The following GUCA1C variants were observed in gnomAD, a reference collection of about 807,000 sequenced individuals.
GUCA1C encodes guanylate cyclase activator 1C.
A neutral mutation model predicts 16.2 loss-of-function variants in GUCA1C; 15 were observed. The ratio of observed to expected loss-of-function variants is 0.93; its 90% CI spans 0.62 to 1.43. The LOEUF (loss-of-function observed/expected upper bound fraction) is 1.43, where lower values mean the gene tolerates loss of function less well. Among genes scored for constraint, GUCA1C ranks in the 40% most tolerant of loss-of-function variants. The probability of loss-of-function intolerance (pLI) is 0.00; values close to 1 mark genes in which losing one functional copy is unlikely to be tolerated. For missense variants in GUCA1C, 275 were observed against 244.8 expected, an observed-to-expected ratio of 1.12 and a Z score of -0.82; for synonymous variants, 78 against 85.4, an observed-to-expected ratio of 0.91 and a Z score of 0.48.
chr3:108,944,830 G>C (rs1437199440), intron 1 of GUCA1C, among the ~76,000 whole-genome samples: 1 of 152,202 alleles, frequency 6.6e-6, no homozygotes, highest in Non-Finnish European at 1.5e-5. Context: ...TGGGATTTGA[G>C]GGGGTCAATA....
chr3:108,917,526 C>G (rs948679636), intron 2 of GUCA1C, among the ~76,000 whole-genome samples: 23 of 152,024 alleles, frequency 1.5e-4, no homozygotes, highest in Admixed American at 1.4e-3. Context: ...TATATGCACT[C>G]TTTCTTCCCT....
rs58630173 is a variant in GUCA1C, at chr3:108,948,189, CAATGTTGGGAGAGGG to C, written c.204+5355_204+5369del. Among the ~76,000 whole-genome samples the C allele has an allele frequency of 4.7e-3, 714 of 152,236 alleles. 8 individuals are homozygous for C. Among genetic ancestry groups the C allele is most frequent in the African/African-American group, 0.016 (684 of 41,548 alleles). On this transcript the variant is annotated intron_variant, in intron 1 of 3. Coordinates refer to ENST00000261047, the MANE Select transcript of GUCA1C (RefSeq NM_005459.4). ...AAATCTCATGTTGAATTGTAATCTT[CAATGTTGGGAGAGGG>C]ACCTGGTGGGAGGTGATTGGATCAT...
rs576568304 is a variant in GUCA1C, at chr3:108,930,427, CAAAGG to C, written c.205-9847_205-9843del. Among the ~76,000 whole-genome samples, 634 of 152,322 alleles carry C rather than the reference CAAAGG, an allele frequency of 4.2e-3. 2 individuals are homozygous for C. Among genetic ancestry groups the C allele is most frequent in the African/African-American group, 0.013 (559 of 41,568 alleles). ...CAACCAATAGTTCTGAATTGGGAAG[CAAAGG>C]CTATTTGGCTTTTTAAAAGTTTTTA... On this transcript the variant is annotated intron_variant, in intron 1 of 3. Coordinates refer to ENST00000261047, the MANE Select transcript of GUCA1C (RefSeq NM_005459.4).
intron 2 of GUCA1C, 39 bp downstream of exon 2, chr3:108,920,397 T>C (rs773430466): frequency 1.3e-6 from 2 of 1,539,058 alleles, no homozygotes; most frequent in South Asian, 2.3e-5. Context: ...GGGTTAACTA[T>C]ATAGCGGCCT....
Position 108,912,122 on chromosome 3 carries a change from A to AATAATAATAATAATCATCATC in GUCA1C, c.443-3914_443-3913insGATGATGATTATTATTATTAT, listed in dbSNP as rs762101057. Among the ~76,000 whole-genome samples, 203 of 147,738 alleles carry AATAATAATAATAATCATCATC rather than the reference A, an allele frequency of 1.4e-3. 2 individuals are homozygous for AATAATAATAATAATCATCATC. In the East Asian group the frequency reaches 0.018, roughly 13 times the overall value. The stretch of plus-strand genomic sequence containing the variant: ...CCGTCTCAATAATAATAATAATAAT[A>AATAATAATAATAATCATCATC]ATCACCCTTTTCATTTCCTGTTTGG... On this transcript the variant is annotated intron_variant, in intron 3 of 3. Coordinates refer to ENST00000261047, the MANE Select transcript of GUCA1C (RefSeq NM_005459.4).
At position 108,953,667 on chromosome 3, in the gene GUCA1C, G is replaced by A. The variant is rs6783631; in HGVS notation, c.96C>T (p.Ser32=). 6.3e-3 allele frequency: 10,115 copies of A among 1,610,522 alleles called. 484 individuals are homozygous for A. In the African/African-American group the frequency reaches 0.11, roughly 18 times the overall value. The change falls in exon 1 of 4, where the codon TCC becomes TCT. Residue 32 remains serine (S), a synonymous_variant. Coordinates refer to ENST00000261047, the MANE Select transcript of GUCA1C (RefSeq NM_005459.4). The stretch of plus-strand genomic sequence containing the variant: ...TAAATTCATGTAGTGTTTGCAGGCC[G>A]GATGGATATTCCATCATAAATGTTC... ...WYRTFMMEYP[S]GLQTLHEFKT...
chr3:108,950,758 ATAT>A (rs1353957906), intron 1 of GUCA1C, among the ~76,000 whole-genome samples: 1 of 152,196 alleles, frequency 6.6e-6, no homozygotes, highest in Non-Finnish European at 1.5e-5. Flanking sequence ...AAGCTCATTA[ATAT>A]TATAACAATA....
chr3:108,920,258 AT>A (rs1946556403), intron 2 of GUCA1C, among the ~76,000 whole-genome samples, 177 bp downstream of exon 2: 1 of 152,182 alleles, frequency 6.6e-6, no homozygotes, highest in Non-Finnish European at 1.5e-5. Flanking sequence ...GAAAAAGCTG[AT>A]TTGCTGTTGC....
chr3:108,921,318 T>G (rs910945875), intron 1 of GUCA1C, among the ~76,000 whole-genome samples: 2 of 152,204 alleles, frequency 1.3e-5, no homozygotes, highest in Non-Finnish European at 2.9e-5. Flanking sequence ...ATTGTCTGGA[T>G]GTACCTCAGT....
intron 1 of GUCA1C, among the ~76,000 whole-genome samples, chr3:108,952,630 C>T (rs1233075706): frequency 1.3e-5 from 2 of 151,874 alleles, no homozygotes; most frequent in Admixed American, 1.3e-4. Flanking sequence ...TCCTATCAAA[C>T]AACCAGTTTT....
chr3:108,926,499 G>T (rs1946624337), intron 1 of GUCA1C, among the ~76,000 whole-genome samples: 1 of 152,022 alleles, frequency 6.6e-6, no homozygotes, highest in Non-Finnish European at 1.5e-5. Context: ...GGTTTTTTTT[G>T]AGACGGAGTC....
At chr3:108,925,648 G>A (rs745810153) in intron 1 of GUCA1C, among the ~76,000 whole-genome samples, 14 of 152,168 alleles carry the variant, frequency 9.2e-5, no homozygotes, top group Non-Finnish European at 2.1e-4. Context: ...ATTTGTTCTA[G>A]GGTATAGTTT....
chr3:108,941,446 C>T (rs996401457), intron 1 of GUCA1C, among the ~76,000 whole-genome samples: 2 of 152,150 alleles, frequency 1.3e-5, no homozygotes, highest in Non-Finnish European at 2.9e-5. Context: ...AACCATTTTA[C>T]CTCCCTCTGT....
At chr3:108,953,484 A>T in intron 1 of GUCA1C, 75 bp downstream of exon 1, 2 of 976,580 alleles carry the variant, frequency 2.0e-6, no homozygotes, top group Non-Finnish European at 3.2e-6. Flanking sequence ...AGGCTATTTT[A>T]CAGGAAAAAA....
chr3:108,921,757 T>G (rs887609095), intron 1 of GUCA1C, among the ~76,000 whole-genome samples: 3 of 152,212 alleles, frequency 2.0e-5, no homozygotes, highest in African/African-American at 7.2e-5. Context: ...TTTGGCCTAT[T>G]TCTTAATCAG....
rs756665070 is a variant in GUCA1C, at chr3:108,916,112, G to C, written c.442+15C>G. ...TTTGTAGGAAAAGTGATCCAGTAGA[G>C]AGTAGCTCCATTACCATCATTGTTT... On this transcript the variant is annotated intron_variant, in intron 3 of 3. Transcript: ENST00000261047. 1.9e-6 allele frequency: 3 copies of C among 1,612,702 alleles called. No homozygotes were observed. In the East Asian group the frequency reaches 6.7e-5, roughly 36 times the overall value.
At chr3:108,929,632 G>C (rs191237373) in intron 1 of GUCA1C, among the ~76,000 whole-genome samples, 1 of 152,104 alleles carries the variant, frequency 6.6e-6, no homozygotes, top group Admixed American at 6.5e-5. Context: ...TACCTTTTTA[G>C]AGAAAATGTT....
intron 1 of GUCA1C, among the ~76,000 whole-genome samples, chr3:108,933,482 A>G (rs1158701329): frequency 6.6e-6 from 1 of 152,174 alleles, no homozygotes; most frequent in Admixed American, 6.5e-5. Flanking sequence ...TGGCTCCATT[A>G]TATATTGTGA....
intron 3 of GUCA1C, among the ~76,000 whole-genome samples, chr3:108,915,139 C>T (rs1421336199): frequency 6.6e-6 from 1 of 152,102 alleles, no homozygotes; most frequent in East Asian, 1.9e-4. Flanking sequence ...ACCATCCCAT[C>T]CTGCCACGCT....
Sources: gnomAD v4.1 joint callset for allele counts (sites outside exome capture counted in the v4.1 genomes callset) on GRCh38, gnomAD v4.1.1 for gene constraint, MANE v1.5 for transcripts, NCBI Gene and HGNC (gene_info 2026-07-23, HGNC 2026-07-21) for gene names.